Variants in DNTTIP2 observed in about 807,000 individuals in gnomAD.
DNTTIP2 encodes the protein deoxynucleotidyltransferase terminal-interacting protein 2.
A neutral mutation model predicts 62.4 loss-of-function variants in DNTTIP2; 47 were observed. That is an observed-to-expected ratio of 0.75 (90% CI 0.60 to 0.96). The LOEUF is 0.96. Ranked by LOEUF, DNTTIP2 falls within the 40% of genes least tolerant of loss-of-function variation. The pLI is 0.00. For missense variants in DNTTIP2, 870 were observed against 849.1 expected (o/e 1.02, Z -0.31); for synonymous variants, 322 against 300.9 (o/e 1.07, Z -0.73).
rs757797207 is a variant in DNTTIP2, at chr1:93,879,116, G to A, written c.33C>T (p.Ala11=). The change falls in exon 1 of 7, where the codon GCC becomes GCT. Residue 11 remains alanine (A), a synonymous_variant. Transcript: ENST00000436063. ...TTTCAGCCGACGCGGCTTGGATGCT[G>A]GCCTTAGCCCGTGCAGATCTGGTAA... The part of the protein sequence containing the change: MVVTRSARAK[A]SIQAASAESS... 2 of 1,613,584 alleles carry A rather than the reference G, an allele frequency of 1.2e-6. No individual in the cohort carries two copies. The highest frequency in any genetic ancestry group is 8.5e-7 in the Non-Finnish European group (1 of 1,179,878).
intron 4 of DNTTIP2, 86 bp downstream of exon 4, chr1:93,873,032 TA>T: frequency 1.1e-6 from 1 of 902,050 alleles, no homozygotes. Context: ...GACCAACAGA[TA>T]CAGTTTAATT....
chr1:93,872,227 G>A lies in DNTTIP2; in HGVS notation c.1912C>T (p.Gln638Ter), dbSNP rs199974888. The A allele has an allele frequency of 3.7e-6, 6 of 1,612,648 alleles. No homozygotes were observed. The highest frequency in any genetic ancestry group is 4.2e-6 in the Non-Finnish European group (5 of 1,179,478). ...AACCAGCCATCCCCTGCTGTTTTTT[G>A]TCGTTCTTTCTGAAATTATGATTTC... The part of the protein sequence containing the change: ...QLQKKRRKER[Q>*]KTAGDGWFGM... The change falls in exon 5 of 7, where the codon CAA becomes TAA. Residue 638 changes from glutamine (Q) to a stop codon, truncating the protein, a stop_gained. Coordinates refer to ENST00000436063, the MANE Select transcript of DNTTIP2 (RefSeq NM_014597.5). LOFTEE classifies it high-confidence loss of function.
chr1:93,877,461 T>C lies in DNTTIP2; in HGVS notation c.474A>G (p.Glu158=). 2 of 1,613,898 alleles carry C rather than the reference T, an allele frequency of 1.2e-6. No individual in the cohort carries two copies. The highest frequency in any genetic ancestry group is 1.7e-6 in the Non-Finnish European group (2 of 1,179,868). ...TACTTCTTCTGGCTCCTGTAGTTTT[T>C]TCTGTAGGAAGCACAATTCTAGAAA... The part of the protein sequence containing the change: ...SGISRIVLPT[E]KTTGARRSKA... Residue 158 remains glutamate (E), a synonymous_variant, in exon 2 of 7, where the codon GAA becomes GAG. Transcript: ENST00000436063.
At chr1:93,872,792 C>T (rs2143991) in intron 4 of DNTTIP2, among the ~76,000 whole-genome samples, 115,253 of 151,942 alleles carry the variant, frequency 0.76, 44,114 homozygotes, top group African/African-American at 0.84. Flanking sequence ...CTCCATATTA[C>T]AGTAACATTA....
Position 93,879,176 on chromosome 1 carries a change from A to C in DNTTIP2, c.-28T>G. 1 of 1,609,228 alleles carries C rather than the reference A, an allele frequency of 6.2e-7. No homozygotes were observed. The highest frequency in any genetic ancestry group is 8.5e-7 in the Non-Finnish European group (1 of 1,178,640). ...TTCCGGCTCCCTCGCGACCACCACG[A>C]CTTCCCTCTTCCCTGGCGCTCCGGA... On this transcript the variant is annotated 5_prime_UTR_variant, in exon 1 of 7. Transcript: ENST00000436063.
rs761067192 is a variant in DNTTIP2 at position 93,877,126 on chromosome 1, G to A, written c.809C>T (p.Ser270Phe). The A allele has an allele frequency of 8.7e-6, 14 of 1,611,594 alleles. No individual in the cohort carries two copies. The highest frequency in any genetic ancestry group is 1.1e-5 in the Non-Finnish European group (13 of 1,179,772). ...TAATATATTTTCTGAACTTCTGTGG[G>A]AGAAATCATCATCAAAGTCATTATT... ...FYNNDFDDDF[S>F]HRSSENILTV... Residue 270 changes from serine (S) to phenylalanine (F), a missense_variant, in exon 2 of 7, where the codon TCC (serine) becomes TTC (phenylalanine). Transcript: ENST00000436063.
chr1:93,878,446 C>A (rs1456321121), intron 1 of DNTTIP2: 1 of 154,528 alleles, frequency 6.5e-6, no homozygotes. Context: ...AATGGGTAGA[C>A]CAACATTCTG....
chr1:93,870,599 T>C, intron 6 of DNTTIP2, 84 bp downstream of exon 6: 1 of 697,464 alleles, frequency 1.4e-6, no homozygotes. Flanking sequence ...AAATGAGTTA[T>C]TTTTAAATTA....
At chr1:93,870,260 A>T (rs1655824346) in intron 6 of DNTTIP2, among the ~76,000 whole-genome samples, 1 of 152,232 alleles carries the variant, frequency 6.6e-6, no homozygotes, top group Non-Finnish European at 1.5e-5. Flanking sequence ...TAAGCAAAAC[A>T]AAAAGTCACA....
chr1:93,870,124 A>G (rs772345292), intron 6 of DNTTIP2, among the ~76,000 whole-genome samples, 180 bp from the exon 7 acceptor site: 1 of 152,156 alleles, frequency 6.6e-6, no homozygotes, highest in Non-Finnish European at 1.5e-5. Flanking sequence ...CTTTCCTACT[A>G]TATGCACTAT....
Position 93,873,115 on chromosome 1 carries a change from T to A in DNTTIP2, c.1902+4A>T. 6.3e-7 allele frequency: 1 copy of A among 1,598,790 alleles called. No individual in the cohort carries two copies. Among genetic ancestry groups the A allele is most frequent in the Non-Finnish European group, 8.6e-7 (1 of 1,168,172 alleles). On this transcript the variant is annotated splice_donor_region_variant and intron_variant, in intron 4 of 6. Transcript: ENST00000436063. ...AAGCATTTTAATTAAGTCACTGTAC[T>A]TACTCTGCGTTTTTTCTGAAGTTGA...
rs1571181637 is a variant in DNTTIP2 at position 93,870,037 on chromosome 1, C to A, written c.2178-93G>T. The A allele has an allele frequency of 4.5e-6, 3 of 666,482 alleles. No homozygotes were observed. In the East Asian group the frequency reaches 7.8e-5, roughly 17 times the overall value. The allele number at this position is 666,482 out of a possible 1,614,324, so 41.3% of individuals were successfully genotyped here. ...TAAAAGTTGGGAATGGAGTGGTGGA[C>A]AAGACAAGTATAGTCTCTGACCTCA... On this transcript the variant is annotated intron_variant, in intron 6 of 6. Coordinates refer to ENST00000436063, the MANE Select transcript of DNTTIP2 (RefSeq NM_014597.5).
chr1:93,879,045 C>A (rs373132547), intron 1 of DNTTIP2, 32 bp downstream of exon 1: 18 of 1,610,896 alleles, frequency 1.1e-5, no homozygotes, highest in Non-Finnish European at 1.5e-5. Context: ...CTCTGCGAAG[C>A]GGCGAGAAGT....
rs560963778 is a variant in DNTTIP2, at chr1:93,869,410, C to T, written c.*441G>A. 6.5e-6 allele frequency: 1 copy of T among 153,296 alleles called. No homozygotes were observed. Among genetic ancestry groups the T allele is most frequent in the East Asian group, 1.9e-4 (1 of 5,216 alleles). The allele number at this position is 153,296 out of a possible 1,614,324, so 9.5% of individuals were successfully genotyped here. ...TAACTATAGGGCATTGCCTCTCTAC[C>T]ATCTCCCGTCCCCTACACAGACACA... On this transcript the variant is annotated 3_prime_UTR_variant, in exon 7 of 7. Transcript: ENST00000436063.
Position 93,869,140 on chromosome 1 carries a change from AGCCAGGGT to A in DNTTIP2, c.*703_*710del, listed in dbSNP as rs1359039598. 5.3e-5 allele frequency: 8 copies of A among 152,256 alleles called. No homozygotes were observed. Among genetic ancestry groups the A allele is most frequent in the Non-Finnish European group, 1.2e-4 (8 of 68,048 alleles). The allele number at this position is 152,256 out of a possible 1,614,324, so 9.4% of individuals were successfully genotyped here. A position where few individuals can be genotyped will look rare whatever the true frequency, so the allele number is the denominator to read the frequency against. ...CTCCTTGGGTGCCAGAAACCAGCTT[AGCCAGGGT>A]GCATACTGTACCACTGGAGAAGAGG... is the stretch of plus-strand genomic sequence containing the variant. On this transcript the variant is annotated 3_prime_UTR_variant, in exon 7 of 7. Transcript: ENST00000436063.
rs1655813268 is a variant in DNTTIP2 at position 93,869,908 on chromosome 1, T to G, written c.2214A>C (p.Glu738Asp). The G allele has an allele frequency of 2.6e-6, 2 of 780,292 alleles. No individual in the cohort carries two copies. Among genetic ancestry groups the G allele is most frequent in the Non-Finnish European group, 4.8e-6 (2 of 417,744 alleles). The allele number at this position is 780,292 out of a possible 1,614,324, so 48.3% of individuals were successfully genotyped here. A position where few individuals can be genotyped will look rare whatever the true frequency, so the allele number is the denominator to read the frequency against. ...TTTTTCCTGCTGCATTTGCTGCTTT[T>G]TCAGCCATGATCTCTGAGTACTTCC... ...NRRKYSEIMA[E>D]KAANAAGKKF... The change falls in exon 7 of 7, where the codon GAA (glutamate) becomes GAC (aspartate). Residue 738 changes from glutamate (E) to aspartate (D), a missense_variant. Physicochemically the swap from Glu to Asp is conservative, Grantham distance 45. Transcript: ENST00000436063.
chr1:93,879,003 A>G, intron 1 of DNTTIP2, 74 bp downstream of exon 1: 1 of 1,576,182 alleles, frequency 6.3e-7, no homozygotes, highest in South Asian at 1.2e-5. Flanking sequence ...CCTTAACCGG[A>G]CCCTTGCGCC....
At chr1:93,870,549 T>C (rs899635460) in intron 6 of DNTTIP2, 134 bp downstream of exon 6, 2 of 458,538 alleles carry the variant, frequency 4.4e-6, no homozygotes, top group Non-Finnish European at 7.5e-6. Flanking sequence ...TTATTTTTCA[T>C]AAAAATATAT....
Position 93,870,044 on chromosome 1 carries a change from A to G in DNTTIP2, c.2178-100T>C, listed in dbSNP as rs1571181641. 2.6e-5 allele frequency: 17 copies of G among 655,382 alleles called. No homozygotes were observed. In the East Asian group the frequency reaches 4.5e-4, roughly 17 times the overall value. The allele number at this position is 655,382 out of a possible 1,614,324, so 40.6% of individuals were successfully genotyped here. ...TGGGAATGGAGTGGTGGACAAGACAAGTATAGTCTCTGACCTCATAGCACT... is the reference window on the plus strand; with the variant it reads ...TGGGAATGGAGTGGTGGACAAGACAGGTATAGTCTCTGACCTCATAGCACT... On this transcript the variant is annotated intron_variant, in intron 6 of 6. Transcript: ENST00000436063.
Sources: gnomAD v4.1 joint callset for allele counts (sites outside exome capture counted in the v4.1 genomes callset) on GRCh38, gnomAD v4.1.1 for gene constraint, MANE v1.5 for transcripts, NCBI Gene and HGNC (gene_info 2026-07-23, HGNC 2026-07-21) for gene names.